PLXDC2: variants seen among roughly 807,000 people sequenced by gnomAD.
The protein encoded by PLXDC2 is plexin domain containing 2, also known as plexin domain-containing protein 2.
A neutral mutation model predicts 68.9 loss-of-function variants in PLXDC2; 40 were observed. The ratio of observed to expected loss-of-function variants is 0.58; its 90% CI spans 0.45 to 0.76. The LOEUF is 0.76. Among genes scored for constraint, PLXDC2 ranks in the 30% least tolerant of loss-of-function variants. The pLI is 0.00. For synonymous variants in PLXDC2, 243 were observed against 234.2 expected (o/e 1.04, Z -0.34); for missense variants, 644 against 661.9 (o/e 0.97, Z 0.30).
intron 12 of PLXDC2, among the ~76,000 whole-genome samples, chr10:20,235,850 A>G (rs1045783038): frequency 6.6e-6 from 1 of 152,242 alleles, no homozygotes; most frequent in African/African-American, 2.4e-5. Flanking sequence ...GATAGAATAA[A>G]TGGCACGGAG....
chr10:19,889,649 A>G (rs1260123347), intron 1 of PLXDC2, among the ~76,000 whole-genome samples: 1 of 152,172 alleles, frequency 6.6e-6, no homozygotes, highest in Admixed American at 6.5e-5. Flanking sequence ...CCAACTACAA[A>G]TATGTAAAAA....
At chr10:20,215,236 A>T (rs1034781764) in intron 10 of PLXDC2, among the ~76,000 whole-genome samples, 2 of 133,600 alleles carry the variant, frequency 1.5e-5, no homozygotes, top group Non-Finnish European at 3.5e-5. Context: ...CCATAGGCTG[A>T]TGAGGTGTCA....
chr10:20,274,422 A>G (rs1416060211), intron 13 of PLXDC2, among the ~76,000 whole-genome samples: 1 of 152,196 alleles, frequency 6.6e-6, no homozygotes, highest in Non-Finnish European at 1.5e-5. Context: ...CATCTTGCAC[A>G]TGAACCGACT....
intron 4 of PLXDC2, among the ~76,000 whole-genome samples, chr10:20,134,151 T>G (rs1482478647): frequency 6.6e-6 from 1 of 152,234 alleles, no homozygotes; most frequent in Non-Finnish European, 1.5e-5. Context: ...TGTGTTCTCC[T>G]GTAGCTCACT....
chr10:19,910,683 A>G (rs1833253973), intron 1 of PLXDC2, among the ~76,000 whole-genome samples: 1 of 146,712 alleles, frequency 6.8e-6, no homozygotes, highest in Non-Finnish European at 1.5e-5. Flanking sequence ...AGAACATTCC[A>G]TGCCTATCCC....
chr10:20,137,786 G>T (rs981473305), intron 4 of PLXDC2, among the ~76,000 whole-genome samples: 2 of 152,308 alleles, frequency 1.3e-5, no homozygotes, highest in East Asian at 1.9e-4. Flanking sequence ...TGTGGAGTTC[G>T]CACGTTCTCC....
At chr10:20,082,138 A>T (rs1298949589) in intron 4 of PLXDC2, among the ~76,000 whole-genome samples, 1 of 151,516 alleles carries the variant, frequency 6.6e-6, no homozygotes, top group African/African-American at 2.4e-5. Context: ...ACAGCTAAAT[A>T]TAATGTCATA....
intron 4 of PLXDC2, among the ~76,000 whole-genome samples, chr10:20,136,239 C>T (rs551092169): frequency 3.3e-5 from 5 of 152,278 alleles, no homozygotes; most frequent in African/African-American, 9.6e-5. Flanking sequence ...TTATGTAAAA[C>T]CTGTCATTGT....
intron 1 of PLXDC2, among the ~76,000 whole-genome samples, chr10:19,866,989 C>T (rs1189305950): frequency 1.3e-5 from 2 of 151,618 alleles, no homozygotes; most frequent in African/African-American, 4.9e-5. Flanking sequence ...GTGGGTTTTC[C>T]TCTATCCAGG....
At chr10:20,047,136 G>T in intron 3 of PLXDC2, 121 bp downstream of exon 3, 1 of 1,006,774 alleles carries the variant, frequency 9.9e-7, no homozygotes, top group Non-Finnish European at 1.4e-6. Context: ...CTTATCTGTG[G>T]TAATCGCTTT....
chr10:19,932,750 TA>T (rs1165525181), intron 1 of PLXDC2, among the ~76,000 whole-genome samples: 1 of 139,830 alleles, frequency 7.2e-6, no homozygotes, highest in Non-Finnish European at 1.7e-5. Context: ...TTATGGGAAT[TA>T]AAAAAACCAC....
chr10:20,130,298 T>C (rs1048739993), intron 4 of PLXDC2, among the ~76,000 whole-genome samples: 2 of 152,134 alleles, frequency 1.3e-5, no homozygotes, highest in Non-Finnish European at 2.9e-5. Context: ...ATTTCTATTT[T>C]GGATAGTTTG....
chr10:20,182,071 T>TGTGTGTGTG lies in PLXDC2; in HGVS notation c.1061+4662_1061+4663insGTGTGTGTG, dbSNP rs1554772998. On this transcript the variant is annotated intron_variant, in intron 9 of 13. Coordinates refer to ENST00000377252, the MANE Select transcript of PLXDC2 (RefSeq NM_032812.9). ...GGTGTTTGGGAAGGAAACCGGTTAT[T>TGTGTGTGTG]TGTGTGTGTGTGTGTGTGTGTGTGT... 2.3e-4 allele frequency among the ~76,000 whole-genome samples: 33 copies of TGTGTGTGTG among 146,564 alleles called. 1 individual carries two copies. The Middle Eastern group carries it at 0.017, about 76-fold the overall frequency.
chr10:20,050,535 G>T (rs1835878649), intron 3 of PLXDC2, among the ~76,000 whole-genome samples: 1 of 151,750 alleles, frequency 6.6e-6, no homozygotes, highest in Non-Finnish European at 1.5e-5. Context: ...GCATTAAAAA[G>T]TGGGCAAAGA....
chr10:20,029,331 T>C (rs958996618), intron 2 of PLXDC2, among the ~76,000 whole-genome samples: 1 of 152,144 alleles, frequency 6.6e-6, no homozygotes, highest in East Asian at 1.9e-4. Flanking sequence ...TACTTGCCCT[T>C]CATACCTCCC....
intron 9 of PLXDC2, among the ~76,000 whole-genome samples, chr10:20,202,953 T>C (rs889111819): frequency 1.3e-5 from 2 of 152,144 alleles, no homozygotes; most frequent in African/African-American, 4.8e-5. Context: ...TTGTCATCCC[T>C]GTAAAGCCCT....
chr10:19,931,106 A>G (rs1833624022), intron 1 of PLXDC2, among the ~76,000 whole-genome samples: 1 of 152,232 alleles, frequency 6.6e-6, no homozygotes, highest in African/African-American at 2.4e-5. Flanking sequence ...CACCCATGGG[A>G]AGGAGAGCTT....
intron 9 of PLXDC2, among the ~76,000 whole-genome samples, chr10:20,202,611 G>T (rs1179610712): frequency 6.6e-6 from 1 of 152,104 alleles, no homozygotes; most frequent in Admixed American, 6.6e-5. Flanking sequence ...ATATGTTCTA[G>T]CATCACTTAA....
chr10:20,253,027 TTAAA>T (rs1211057421), intron 13 of PLXDC2, among the ~76,000 whole-genome samples: 1 of 151,784 alleles, frequency 6.6e-6, no homozygotes, highest in Non-Finnish European at 1.5e-5. Context: ...TTAAAAAAAA[TTAAA>T]TAAAGTAAAT....
Sources: allele counts gnomAD v4.1 joint callset (sites outside exome capture counted in the v4.1 genomes callset), GRCh38; gene constraint gnomAD v4.1.1; transcripts MANE v1.5; gene names NCBI Gene and HGNC (gene_info 2026-07-23, HGNC 2026-07-21).